The following MTFR1L variants were observed in gnomAD, a reference collection of about 807,000 sequenced individuals.
The protein encoded by MTFR1L is mitochondrial fission regulator 1 like.
MTFR1L carries 10 observed loss-of-function variants against 27.9 expected under a neutral mutation model. That is an observed-to-expected ratio of 0.36 (90% CI 0.22 to 0.61). The LOEUF is 0.61. MTFR1L is among the 20% of genes least tolerant of loss of function. The probability of loss-of-function intolerance (pLI) is 0.73; values close to 1 mark genes in which losing one functional copy is unlikely to be tolerated. For synonymous variants in MTFR1L, 151 were observed against 139.4 expected (o/e 1.08, Z -0.58); for missense variants, 315 against 363.7 (o/e 0.87, Z 1.09).
At chr1:25,830,586 G>A (rs1436274651) in intron 6 of MTFR1L, among the ~76,000 whole-genome samples, 1 of 152,208 alleles carries the variant, frequency 6.6e-6, no homozygotes, top group African/African-American at 2.4e-5. Flanking sequence ...CACCAGAGGA[G>A]CTTGGTTTGA....
chr1:25,823,827 A>G, intron 3 of MTFR1L, 79 bp downstream of exon 3: 1 of 1,514,532 alleles, frequency 6.6e-7, no homozygotes, highest in Non-Finnish European at 8.9e-7. Context: ...GTACTGCCCA[A>G]GTAGGTTGTT....
Position 25,832,049 on chromosome 1 carries a change from A to C in MTFR1L, c.*23A>C. 6.2e-7 allele frequency: 1 copy of C among 1,614,018 alleles called. No individual in the cohort carries two copies. Among genetic ancestry groups the C allele is most frequent in the Non-Finnish European group, 8.5e-7 (1 of 1,179,938 alleles). ...TGACAACCCTCAGCTCTGCAAACTC[A>C]GTCTCATGCTCCTGGAATACCTTCA... On this transcript the variant is annotated 3_prime_UTR_variant, in exon 7 of 7. Transcript: ENST00000374303.
Position 25,829,701 on chromosome 1 carries a change from A to T in MTFR1L, c.644A>T (p.Lys215Ile). The change falls in exon 6 of 7, where the codon AAA (lysine) becomes ATA (isoleucine). Residue 215 changes from lysine to isoleucine, a missense_variant. Transcript: ENST00000374303. ...TGTTCTGCCAGCCCTGAATGTTGCA[A>T]ACCAGAACACAAAGCTGCCTGCAGT... Reference protein sequence around the residue: ...LLCSASPECCKPEHKAACSSS... With the variant: ...LLCSASPECCIPEHKAACSSS... The T allele has an allele frequency of 6.2e-7, 1 of 1,614,122 alleles. No homozygotes were observed. Among genetic ancestry groups the T allele is most frequent in the Non-Finnish European group, 8.5e-7 (1 of 1,180,014 alleles).
Position 25,829,509 on chromosome 1 carries a change from CTTCGGCTTCATT to C in MTFR1L, c.453_464del (p.Ser152_Leu155del), listed in dbSNP as rs759956232. ...CCATGCCTATTGTTTTCTCTTTCAG[CTTCGGCTTCATT>C]AACGCCAGATTTCTTATCTCCAGGA... On this transcript the variant is annotated inframe_deletion and splice_region_variant, in exon 6 of 7. Coordinates refer to ENST00000374303, the MANE Select transcript of MTFR1L (RefSeq NM_001099625.2). 7.4e-6 allele frequency: 12 copies of C among 1,612,106 alleles called. No homozygotes were observed. In the East Asian group the frequency reaches 2.7e-4, roughly 36 times the overall value.
At chr1:25,828,661 G>C (rs527822541) in intron 5 of MTFR1L, among the ~76,000 whole-genome samples, 1 of 152,242 alleles carries the variant, frequency 6.6e-6, no homozygotes, top group East Asian at 1.9e-4. Flanking sequence ...ACTGGAAATG[G>C]ATGGGAAGCC....
At position 25,832,199 on chromosome 1, in the gene MTFR1L, A is replaced by C. The variant is rs1430605105; in HGVS notation, c.*173A>C. On this transcript the variant is annotated 3_prime_UTR_variant, in exon 7 of 7. Coordinates refer to ENST00000374303, the MANE Select transcript of MTFR1L (RefSeq NM_001099625.2). ...TGGATTATATATTTCCCAGACTTCA[A>C]ACCCTAGCAGAAGCTAAGGCTTGTG... The C allele has an allele frequency of 1.3e-6, 2 of 1,530,484 alleles. No homozygotes were observed. The highest frequency in any genetic ancestry group is 3.9e-5 in the Admixed American group (2 of 51,006). The allele number at this position is 1,530,484 out of a possible 1,614,324, so 94.8% of individuals were successfully genotyped here. A position where few individuals can be genotyped will look rare whatever the true frequency, so the allele number is the denominator to read the frequency against.
chr1:25,826,502 C>A lies in MTFR1L; in HGVS notation c.239+91C>A. 6.3e-7 allele frequency: 1 copy of A among 1,579,232 alleles called. No individual in the cohort carries two copies. Among genetic ancestry groups the A allele is most frequent in the Non-Finnish European group, 8.7e-7 (1 of 1,149,324 alleles). On this transcript the variant is annotated intron_variant, in intron 4 of 6. Coordinates refer to ENST00000374303, the MANE Select transcript of MTFR1L (RefSeq NM_001099625.2). This position sits in a 1 kb window ranked among gnomAD's most constrained non-coding sequence, Gnocchi z 4.1. ...AGGAGAGAGGAATGAGAACTGTGGG[C>A]TCAGAGAGGAGCAGAACCTTACTAT...
Position 25,831,641 on chromosome 1 carries a change from C to CTATTTCAGGAAATAGTAAA in MTFR1L, c.774-279_774-261dup, listed in dbSNP as rs570931421. Reference sequence around the variant, plus strand: ...CCTTTACTTTGCCCATACTTTATAGCTATTTCAGGAAATAGTAAAGCATTC... The same window carrying CTATTTCAGGAAATAGTAAA: ...CCTTTACTTTGCCCATACTTTATAGCTATTTCAGGAAATAGTAAATATTTCAGGAAATAGTAAAGCATTC... On this transcript the variant is annotated intron_variant, in intron 6 of 6. Coordinates refer to ENST00000374303, the MANE Select transcript of MTFR1L (RefSeq NM_001099625.2). 1.6e-3 allele frequency among the ~76,000 whole-genome samples: 238 copies of CTATTTCAGGAAATAGTAAA among 152,316 alleles called. 6 individuals are homozygous for CTATTTCAGGAAATAGTAAA. In the South Asian group the frequency reaches 0.047, roughly 30 times the overall value.
Position 25,826,642 on chromosome 1 carries a change from C to G in MTFR1L, c.267C>G (p.Thr89=). 1 of 1,614,216 alleles carries G rather than the reference C, an allele frequency of 6.2e-7. No individual in the cohort carries two copies. The highest frequency in any genetic ancestry group is 1.3e-5 in the African/African-American group (1 of 75,058). Residue 89 remains threonine (T), a synonymous_variant, in exon 5 of 7, where the codon ACC becomes ACG. Transcript: ENST00000374303. This position sits in a 1 kb window ranked among gnomAD's most constrained non-coding sequence, Gnocchi z 4.1. ...VRSDTRPLRH[T]WKPSPLIVMQ... ...GTGATACGCGCCCCCTGAGGCACAC[C>G]TGGAAACCCAGCCCTCTGATTGTCA...
intron 1 of MTFR1L, 64 bp downstream of exon 1, chr1:25,820,093 G>A (rs894648304): frequency 1.8e-5 from 8 of 435,524 alleles, no homozygotes; most frequent in South Asian, 1.3e-4. Context: ...TAGTAGACTG[G>A]GTCTACGTGC....
At chr1:25,823,581 G>A (rs771975891) in intron 2 of MTFR1L, 63 bp from the exon 3 acceptor site, 2 of 1,582,862 alleles carry the variant, frequency 1.3e-6, no homozygotes, top group Non-Finnish European at 8.6e-7. Flanking sequence ...AGAGAGGAGA[G>A]GACAAGGACA....
chr1:25,831,956 T>G lies in MTFR1L; in HGVS notation c.809T>G (p.Val270Gly). 6.2e-7 allele frequency: 1 copy of G among 1,614,224 alleles called. No homozygotes were observed. Among genetic ancestry groups the G allele is most frequent in the Non-Finnish European group, 8.5e-7 (1 of 1,180,032 alleles). ...RSLLKEEDPAVLISEVLRRKF... is the reference protein window; with the variant it reads ...RSLLKEEDPAGLISEVLRRKF... ...TTATTGAAGGAGGAAGACCCTGCTGTGCTTATCTCTGAGGTCCTAAGGAGG... is the reference window on the plus strand; with the variant it reads ...TTATTGAAGGAGGAAGACCCTGCTGGGCTTATCTCTGAGGTCCTAAGGAGG... The change falls in exon 7 of 7, where the codon GTG becomes GGG. Residue 270 changes from valine (V) to glycine (G), a missense_variant. Physicochemically the swap from Val to Gly is moderately radical, Grantham distance 109. Transcript: ENST00000374303.
In MTFR1L at chr1:25,831,905, A is replaced by C. The variant is rs771992112; in HGVS notation, c.774-16A>C. 8 of 1,598,614 alleles carry C rather than the reference A, an allele frequency of 5.0e-6. No individual in the cohort carries two copies. In the South Asian group the frequency reaches 8.8e-5, roughly 18 times the overall value. ...ACAGGAAAGAGTAAGTACTCAAGCTATTATTGTGTCTCTAGGAACCGGAGT... is the reference window on the plus strand; with the variant it reads ...ACAGGAAAGAGTAAGTACTCAAGCTCTTATTGTGTCTCTAGGAACCGGAGT... On this transcript the variant is annotated splice_polypyrimidine_tract_variant and intron_variant, in intron 6 of 6. Transcript: ENST00000374303.
rs1557446470 is a variant in MTFR1L, at chr1:25,831,954, T to TG, written c.808dup (p.Val270GlyfsTer5). On this transcript the variant is annotated frameshift_variant, in exon 7 of 7. Transcript: ENST00000374303. LOFTEE classifies it high-confidence loss of function. ...GTTTATTGAAGGAGGAAGACCCTGC[T>TG]GTGCTTATCTCTGAGGTCCTAAGGA... The TG allele has an allele frequency of 6.2e-7, 1 of 1,614,226 alleles. No homozygotes were observed. The highest frequency in any genetic ancestry group is 1.7e-5 in the Admixed American group (1 of 60,026).
At chr1:25,822,760 T>A in intron 1 of MTFR1L, 1 of 553,494 alleles carries the variant, frequency 1.8e-6, no homozygotes, top group African/African-American at 2.5e-5. Context: ...TCTCCTGACC[T>A]CGTGATCCGC....
At position 25,829,520 on chromosome 1, in the gene MTFR1L, T is replaced by G. The variant is rs368936588; in HGVS notation, c.463T>G (p.Leu155Val). The change falls in exon 6 of 7, where the codon TTA becomes GTA. Residue 155 changes from leucine (L) to valine (V), a missense_variant. Leu to Val is a conservative substitution (Grantham distance 32, BLOSUM62 1). Transcript: ENST00000374303. Reference sequence around the variant, plus strand: ...GTTTTCTCTTTCAGCTTCGGCTTCATTAACGCCAGATTTCTTATCTCCAGG... The same window carrying G: ...GTTTTCTCTTTCAGCTTCGGCTTCAGTAACGCCAGATTTCTTATCTCCAGG... ...IVAADAASAS[L>V]TPDFLSPGSS... 2.5e-6 allele frequency: 4 copies of G among 1,613,160 alleles called. No individual in the cohort carries two copies. In the African/African-American group the frequency reaches 5.3e-5, roughly 22 times the overall value.
chr1:25,830,691 G>T (rs2048227460), intron 6 of MTFR1L, among the ~76,000 whole-genome samples: 1 of 152,162 alleles, frequency 6.6e-6, no homozygotes, highest in African/African-American at 2.4e-5. Context: ...ACTGTTTTGG[G>T]GACAGGGAAG....
intron 5 of MTFR1L, 49 bp from the exon 6 acceptor site, chr1:25,829,460 C>A: frequency 1.3e-6 from 2 of 1,520,320 alleles, no homozygotes; most frequent in Non-Finnish European, 1.8e-6. Context: ...GATATTGCTA[C>A]TGTGTTCTAG....
At chr1:25,827,269 G>A (rs2048181002) in intron 5 of MTFR1L, among the ~76,000 whole-genome samples, 1 of 151,738 alleles carries the variant, frequency 6.6e-6, no homozygotes, top group Admixed American at 6.6e-5. Flanking sequence ...CTGAGTAGCT[G>A]GGACTACAGG....
Sources: gnomAD v4.1 joint callset for allele counts (sites outside exome capture counted in the v4.1 genomes callset) on GRCh38, gnomAD v4.1.1 for gene constraint, Gnocchi (gnomAD v3.1) non-coding constraint, MANE v1.5 for transcripts, NCBI Gene and HGNC (gene_info 2026-07-23, HGNC 2026-07-21) for gene names.